NT5C2: variants seen among roughly 807,000 people sequenced by gnomAD.
NT5C2 encodes the protein 5'-nucleotidase, cytosolic II.
In NT5C2, 58 loss-of-function variants were observed where a neutral mutation model predicts 76.1. The ratio of observed to expected loss-of-function variants is 0.76; its 90% CI spans 0.62 to 0.95. The LOEUF (loss-of-function observed/expected upper bound fraction) is 0.95, where lower values mean the gene tolerates loss of function less well. NT5C2 is among the 40% of genes least tolerant of loss of function. The pLI, the probability that NT5C2 is intolerant of heterozygous loss-of-function variation, is 0.00. For synonymous variants in NT5C2, 229 were observed against 237.4 expected, an observed-to-expected ratio of 0.96 and a Z score of 0.32; for missense variants, 478 against 690.3, an observed-to-expected ratio of 0.69 and a Z score of 3.45.
chr10:103,109,381 A>G (rs1194075519), intron 4 of NT5C2, among the ~76,000 whole-genome samples: 1 of 152,184 alleles, frequency 6.6e-6, no homozygotes, highest in Non-Finnish European at 1.5e-5. Context: ...TGTTATAAGT[A>G]TAACCACTCT....
chr10:103,090,895 A>G, intron 17 of NT5C2, 41 bp downstream of exon 17: 1 of 1,603,954 alleles, frequency 6.2e-7, no homozygotes, highest in African/African-American at 1.3e-5. Flanking sequence ...AAAGCATTTA[A>G]ACTTATTTCC....
chr10:103,169,086 G>C (rs2087142001), intron 3 of NT5C2, among the ~76,000 whole-genome samples: 1 of 152,014 alleles, frequency 6.6e-6, no homozygotes, highest in South Asian at 2.1e-4. Flanking sequence ...GATGAGTACA[G>C]ATAATAATCT....
chr10:103,156,474 G>A (rs1467441775), intron 3 of NT5C2, among the ~76,000 whole-genome samples: 1 of 152,206 alleles, frequency 6.6e-6, no homozygotes, highest in Admixed American at 6.5e-5. Flanking sequence ...CTTTCAAGGG[G>A]CCACGTGCCG....
intron 3 of NT5C2, among the ~76,000 whole-genome samples, chr10:103,157,935 T>C (rs1447836911): frequency 1.3e-5 from 2 of 152,018 alleles, no homozygotes; most frequent in Non-Finnish European, 2.9e-5. Flanking sequence ...TAGCTGGGCA[T>C]GGTGGCACGC....
chr10:103,097,338 C>A lies in NT5C2; in HGVS notation c.724G>T (p.Val242Leu), dbSNP rs1226896141. The A allele has an allele frequency of 6.2e-7, 1 of 1,613,666 alleles. No homozygotes were observed. The highest frequency in any genetic ancestry group is 1.3e-5 in the African/African-American group (1 of 74,906). ...TTGGTAGCAAGAAATACTTTCCCTACTTCCTTCATCCGGCTCAGAAGCAAA... is the reference window on the plus strand; with the variant it reads ...TTGGTAGCAAGAAATACTTTCCCTAATTCCTTCATCCGGCTCAGAAGCAAA... ...LPLLLSRMKE[V>L]GKVFLATNSD... The change falls in exon 11 of 19, where the codon GTA (valine) becomes TTA (leucine). Residue 242 changes from valine (V) to leucine (L), a missense_variant. Physicochemically the swap from Val to Leu is conservative, Grantham distance 32. Coordinates refer to ENST00000404739, the MANE Select transcript of NT5C2 (RefSeq NM_001351169.2).
Position 103,094,049 on chromosome 10 carries a change from A to C in NT5C2, c.922-11T>G. On this transcript the variant is annotated splice_polypyrimidine_tract_variant and intron_variant, in intron 13 of 18. Coordinates refer to ENST00000404739, the MANE Select transcript of NT5C2 (RefSeq NM_001351169.2). ...CAGCTTGCCAGTTTTCTGTATGAAG[A>C]ATATGGATTTTGTAATACTTTATCA... The C allele has an allele frequency of 1.2e-6, 2 of 1,609,256 alleles. No homozygotes were observed. Among genetic ancestry groups the C allele is most frequent in the Non-Finnish European group, 1.7e-6 (2 of 1,175,644 alleles).
chr10:103,144,753 T>C (rs968362469), intron 3 of NT5C2, among the ~76,000 whole-genome samples: 7 of 152,216 alleles, frequency 4.6e-5, no homozygotes, highest in African/African-American at 1.4e-4. Context: ...TTTTGTGACA[T>C]ATGTCATATA....
chr10:103,096,412 T>C (rs931171589), intron 11 of NT5C2, among the ~76,000 whole-genome samples: 5 of 152,226 alleles, frequency 3.3e-5, no homozygotes, highest in African/African-American at 9.6e-5. Flanking sequence ...CAAGTTTACA[T>C]GTACAGCGAA....
chr10:103,120,664 G>A (rs942239306), intron 4 of NT5C2, among the ~76,000 whole-genome samples: 4 of 152,174 alleles, frequency 2.6e-5, no homozygotes, highest in African/African-American at 9.7e-5. Context: ...TGAAGAAACT[G>A]GAACTCTCAT....
At chr10:103,118,372 T>TTG (rs2074873201) in intron 4 of NT5C2, among the ~76,000 whole-genome samples, 1 of 151,556 alleles carries the variant, frequency 6.6e-6, no homozygotes, top group Non-Finnish European at 1.5e-5. Flanking sequence ...TTTTTTTTTT[T>TTG]TTTTGGATAG....
chr10:103,122,650 C>T (rs1460794710), intron 4 of NT5C2, among the ~76,000 whole-genome samples: 2 of 152,158 alleles, frequency 1.3e-5, no homozygotes, highest in Admixed American at 1.3e-4. Flanking sequence ...CGACTTCTTC[C>T]CTGAAGGAAG....
intron 4 of NT5C2, among the ~76,000 whole-genome samples, chr10:103,129,545 C>T (rs1261655086): frequency 5.8e-3 from 525 of 90,604 alleles, no homozygotes; most frequent in Middle Eastern, 0.013. Flanking sequence ...GCCCCCCGCC[C>T]GGCCAGCCGC....
In NT5C2 at chr10:103,180,781, AAAC is replaced by A. The variant is rs747823122; in HGVS notation, c.-25+401_-25+403del. On this transcript the variant is annotated intron_variant, in intron 2 of 18. Coordinates refer to ENST00000404739, the MANE Select transcript of NT5C2 (RefSeq NM_001351169.2). ...CAGCTTTGTAATGGCCAGAAACTAC[AAAC>A]AACCCAAATGTTATCCACAAGTAAA... Among the ~76,000 whole-genome samples the A allele has an allele frequency of 2.0e-5, 3 of 152,324 alleles. No individual in the cohort carries two copies. In the East Asian group the frequency reaches 5.8e-4, roughly 29 times the overall value.
chr10:103,134,324 T>C (rs1042892591), intron 4 of NT5C2, among the ~76,000 whole-genome samples: 1 of 152,160 alleles, frequency 6.6e-6, no homozygotes, highest in Non-Finnish European at 1.5e-5. Flanking sequence ...CCCCATGCTG[T>C]GTGCAGTCTG....
chr10:103,192,210 T>C (rs146094562), intron 1 of NT5C2, among the ~76,000 whole-genome samples: 1 of 152,166 alleles, frequency 6.6e-6, no homozygotes, highest in Non-Finnish European at 1.5e-5. Context: ...GCGAAATGAA[T>C]AGTCTACAGA....
intron 1 of NT5C2, among the ~76,000 whole-genome samples, chr10:103,190,636 G>GCA (rs1370740230): frequency 6.6e-6 from 1 of 152,216 alleles, no homozygotes; most frequent in Non-Finnish European, 1.5e-5. Context: ...CCCCGAGGTT[G>GCA]CATGATGTTA....
rs756802015 is a variant in NT5C2, at chr10:103,094,348, A to G, written c.921T>C (p.Thr307=). The G allele has an allele frequency of 1.3e-6, 2 of 1,563,274 alleles. No homozygotes were observed. Among genetic ancestry groups the G allele is most frequent in the South Asian group, 2.2e-5 (2 of 90,058 alleles). Residue 307 remains threonine (T), a splice_region_variant and synonymous_variant, in exon 13 of 19, where the codon ACT becomes ACC. Coordinates refer to ENST00000404739, the MANE Select transcript of NT5C2 (RefSeq NM_001351169.2). ...GEGTVLRQVD[T]KTGKLKIGTY... is the part of the protein sequence containing the mutation. ...AAGACAGATCATTCTCATGACTTAC[A>G]GTATCCACCTGACGCAGTACTGTGC...
intron 4 of NT5C2, 32 bp from the exon 5 acceptor site, chr10:103,106,738 A>G: frequency 1.6e-6 from 2 of 1,234,540 alleles, no homozygotes; most frequent in South Asian, 1.2e-5. Context: ...ATTAGTTAGC[A>G]GAAAGAACAG....
At chr10:103,139,038 T>C (rs1201699058) in intron 4 of NT5C2, among the ~76,000 whole-genome samples, 1 of 151,826 alleles carries the variant, frequency 6.6e-6, no homozygotes, top group African/African-American at 2.4e-5. Flanking sequence ...TTTTAACTGA[T>C]ACAAGTTTAT....
Sources: allele counts gnomAD v4.1 joint callset (sites outside exome capture counted in the v4.1 genomes callset), GRCh38; gene constraint gnomAD v4.1.1; transcripts MANE v1.5; gene names NCBI Gene and HGNC (gene_info 2026-07-23, HGNC 2026-07-21).